ARHGEF39: variants seen among roughly 807,000 people sequenced by gnomAD.
ARHGEF39 encodes Rho guanine nucleotide exchange factor (GEF) 39.
ARHGEF39 carries 45 observed loss-of-function variants against 47.5 expected under a neutral mutation model. That is an observed-to-expected ratio of 0.95 (90% CI 0.75 to 1.22). The LOEUF is 1.22. Among genes scored for constraint, ARHGEF39 ranks in the 50% most tolerant of loss-of-function variants. The pLI is 0.00. For synonymous variants in ARHGEF39, 164 were observed against 167.8 expected, an observed-to-expected ratio of 0.98 and a Z score of 0.17; for missense variants, 411 against 425.3, an observed-to-expected ratio of 0.97 and a Z score of 0.30.
At chr9:35,664,916 G>C in intron 1 of ARHGEF39, 66 bp from the exon 2 acceptor site, 2 of 1,561,530 alleles carry the variant, frequency 1.3e-6, no homozygotes, top group Non-Finnish European at 1.7e-6. Context: ...AGCGCCCCCA[G>C]AAACCGCAGA....
chr9:35,662,161 G>T lies in ARHGEF39; in HGVS notation c.992+18C>A. On this transcript the variant is annotated intron_variant, in intron 8 of 8. Coordinates refer to ENST00000378387, the MANE Select transcript of ARHGEF39 (RefSeq NM_032818.3). ...GGGCCTCATCACAGCACCCTTCCTG[G>T]GGGAAGACACAACTTACCTGATAGC... 6.2e-7 allele frequency: 1 copy of T among 1,612,112 alleles called. No homozygotes were observed.
chr9:35,662,307 T>G, intron 7 of ARHGEF39, 40 bp from the exon 8 acceptor site: 1 of 1,585,632 alleles, frequency 6.3e-7, no homozygotes, highest in Non-Finnish European at 8.7e-7. Context: ...CTCAGAAAGG[T>G]CCAGGCTAAA....
rs1349188117 is a variant in ARHGEF39, at chr9:35,661,415, A to C, written c.*572T>G. On this transcript the variant is annotated 3_prime_UTR_variant, in exon 9 of 9. Transcript: ENST00000378387. Reference sequence around the variant, plus strand: ...CCCAAAAATCCCTTTTCTCATAGCAAAACTGAGACAGAAGGGTCTTTCCCA... The same window carrying C: ...CCCAAAAATCCCTTTTCTCATAGCACAACTGAGACAGAAGGGTCTTTCCCA... 2.2e-6 allele frequency: 1 copy of C among 457,150 alleles called. No individual in the cohort carries two copies. Among genetic ancestry groups the C allele is most frequent in the South Asian group, 5.5e-5 (1 of 18,208 alleles). The allele number at this position is 457,150 out of a possible 1,614,324, so 28.3% of individuals were successfully genotyped here.
rs1033801425 is a variant in ARHGEF39, at chr9:35,660,125, G to A, written c.*1862C>T. The A allele has an allele frequency of 6.1e-6, 2 of 329,478 alleles. No homozygotes were observed. Among genetic ancestry groups the A allele is most frequent in the Non-Finnish European group, 1.1e-5 (2 of 178,336 alleles). The allele number at this position is 329,478 out of a possible 1,614,324, so 20.4% of individuals were successfully genotyped here. ...TTCCCGAAGTGCTGGGATTACAGGT[G>A]TGAGCCACAGCACTCAGCCACCAGA... On this transcript the variant is annotated 3_prime_UTR_variant, in exon 9 of 9. Transcript: ENST00000378387.
In ARHGEF39 at chr9:35,664,100, G is replaced by A; in HGVS notation, c.381C>T (p.Phe127=). 1 of 1,614,042 alleles carries A rather than the reference G, an allele frequency of 6.2e-7. No homozygotes were observed. The highest frequency in any genetic ancestry group is 1.1e-5 in the South Asian group (1 of 91,066). ...CTTCCTGAAGCCGTACAAACCTCCG[G>A]AAACCTTTATTTTTCTTTAGCTGCT... The part of the protein sequence containing the change: ...LQEQLKKNKG[F]RRFVRLQEGR... The change falls in exon 4 of 9, where the codon TTC becomes TTT. Residue 127 remains phenylalanine (F), a synonymous_variant. Transcript: ENST00000378387.
Position 35,665,181 on chromosome 9 carries a change from G to C in ARHGEF39, c.-12C>G. 1 of 1,468,780 alleles carries C rather than the reference G, an allele frequency of 6.8e-7. No homozygotes were observed. Among genetic ancestry groups the C allele is most frequent in the African/African-American group, 1.4e-5 (1 of 69,276 alleles). The allele number at this position is 1,468,780 out of a possible 1,614,324, so 91.0% of individuals were successfully genotyped here. A position where few individuals can be genotyped will look rare whatever the true frequency, so the allele number is the denominator to read the frequency against. On this transcript the variant is annotated 5_prime_UTR_variant, in exon 1 of 9. Coordinates refer to ENST00000378387, the MANE Select transcript of ARHGEF39 (RefSeq NM_032818.3). The stretch of plus-strand genomic sequence containing the variant: ...CAGGAGAGCTCCATGCCCTGGCTGA[G>C]GGATCGACACTTCCGGCTGCAGTCC...
In ARHGEF39 at chr9:35,660,732, G is replaced by T. The variant is rs767597591; in HGVS notation, c.*1255C>A. Reference sequence around the variant, plus strand: ...GGACATAGGTTGGGAGCCACTGAGTGGACATTTCTTCAGTGTGACTACTCT... The same window carrying T: ...GGACATAGGTTGGGAGCCACTGAGTTGACATTTCTTCAGTGTGACTACTCT... On this transcript the variant is annotated 3_prime_UTR_variant, in exon 9 of 9. Coordinates refer to ENST00000378387, the MANE Select transcript of ARHGEF39 (RefSeq NM_032818.3). The T allele has an allele frequency of 1.9e-6, 3 of 1,613,722 alleles. No individual in the cohort carries two copies.
Position 35,661,522 on chromosome 9 carries a change from T to G in ARHGEF39, c.*465A>C, listed in dbSNP as rs1177791977. ...TACACAACATAAAAATAGCCACATTTACAAAGCTGCAGCCTTGATAAATGA... is the reference window on the plus strand; with the variant it reads ...TACACAACATAAAAATAGCCACATTGACAAAGCTGCAGCCTTGATAAATGA... On this transcript the variant is annotated 3_prime_UTR_variant, in exon 9 of 9. Transcript: ENST00000378387. The G allele has an allele frequency of 2.3e-6, 1 of 443,852 alleles. No individual in the cohort carries two copies. The highest frequency in any genetic ancestry group is 3.9e-6 in the Non-Finnish European group (1 of 253,324). 27.5% of individuals were successfully genotyped at this position (443,852 alleles called of 1,614,324 possible).
Position 35,659,848 on chromosome 9 carries a change from GTT to G in ARHGEF39, c.*2137_*2138del, listed in dbSNP as rs1210267818. On this transcript the variant is annotated 3_prime_UTR_variant, in exon 9 of 9. Transcript: ENST00000378387. ...GTGCATGAACTGTCTAACAACCAAA[GTT>G]TTTGTTTTTTTCGAGATGGAGTCTC... is the stretch of plus-strand genomic sequence containing the variant. 1.3e-5 allele frequency: 2 copies of G among 152,606 alleles called. No homozygotes were observed. The highest frequency in any genetic ancestry group is 4.8e-5 in the African/African-American group (2 of 41,430). 9.5% of individuals were successfully genotyped at this position (152,606 alleles called of 1,614,324 possible).
At chr9:35,663,297 G>A (rs1249003110) in intron 5 of ARHGEF39, 25 bp downstream of exon 5, 1 of 1,612,470 alleles carries the variant, frequency 6.2e-7, no homozygotes, top group Admixed American at 1.7e-5. Flanking sequence ...CCTCCAGCCT[G>A]CGTTGCCGAG....
Position 35,664,805 on chromosome 9 carries a change from C to T in ARHGEF39, c.184G>A (p.Glu62Lys). The change falls in exon 2 of 9, where the codon GAG becomes AAG. Residue 62 changes from glutamate to lysine, a missense_variant. Glu to Lys is a moderately conservative substitution (Grantham distance 56). Transcript: ENST00000378387. ...CAGGAGCCAAACAGGGCCTGGCGCTCAGGTGGTCGCAGGGTCCCCTTGGCT... is the reference window on the plus strand; with the variant it reads ...CAGGAGCCAAACAGGGCCTGGCGCTTAGGTGGTCGCAGGGTCCCCTTGGCT... The part of the protein sequence containing the change: ...LKAKGTLRPP[E>K]RQALFGSWEL... The T allele has an allele frequency of 6.2e-7, 1 of 1,612,176 alleles. No individual in the cohort carries two copies. The highest frequency in any genetic ancestry group is 8.5e-7 in the Non-Finnish European group (1 of 1,180,014).
Position 35,661,204 on chromosome 9 carries a change from GT to G in ARHGEF39, c.*782del. The G allele has an allele frequency of 6.4e-7, 1 of 1,565,094 alleles. No homozygotes were observed. The highest frequency in any genetic ancestry group is 2.2e-5 in the East Asian group (1 of 44,494). The stretch of plus-strand genomic sequence containing the variant: ...TTTTCATGATGGAGTGCTCCTGTGT[GT>G]TTTTTCGATCCTAGTTGGTTGTACA... On this transcript the variant is annotated 3_prime_UTR_variant, in exon 9 of 9. Transcript: ENST00000378387.
At chr9:35,663,535 GTA>G (rs2131825381) in intron 4 of ARHGEF39, 143 bp from the exon 5 acceptor site, 1 of 703,972 alleles carries the variant, frequency 1.4e-6, no homozygotes, top group East Asian at 2.7e-5. Context: ...CTTCTTTCAT[GTA>G]GGACTCAGAA....
rs1025125926 is a variant in ARHGEF39 at position 35,660,569 on chromosome 9, C to T, written c.*1418G>A. 4.3e-6 allele frequency: 7 copies of T among 1,614,092 alleles called. No individual in the cohort carries two copies. The highest frequency in any genetic ancestry group is 5.9e-6 in the Non-Finnish European group (7 of 1,179,982). On this transcript the variant is annotated 3_prime_UTR_variant, in exon 9 of 9. Transcript: ENST00000378387. The stretch of plus-strand genomic sequence containing the variant: ...CCCTTATCCCCAGAGCAACAGCTGG[C>T]CCAGTTGACACAACAGCTGGCCCAG...
intron 2 of ARHGEF39, 103 bp downstream of exon 2, chr9:35,664,653 A>C: frequency 6.8e-7 from 1 of 1,477,636 alleles, no homozygotes; most frequent in Non-Finnish European, 9.0e-7. Flanking sequence ...AGGTGAGCTA[A>C]CTGGCGGACT....
intron 5 of ARHGEF39, 73 bp downstream of exon 5, chr9:35,663,249 T>C (rs529672008): frequency 3.2e-6 from 5 of 1,574,508 alleles, no homozygotes; most frequent in Non-Finnish European, 4.4e-6. Context: ...CCAGACATTG[T>C]TGGAGGTCAG....
intron 4 of ARHGEF39, 41 bp downstream of exon 4, chr9:35,663,967 A>G (rs1824105233): frequency 6.3e-7 from 1 of 1,588,640 alleles, no homozygotes; most frequent in African/African-American, 1.3e-5. Context: ...CAGTCATACA[A>G]ACTAAAAGAG....
chr9:35,660,422 C>A lies in ARHGEF39; in HGVS notation c.*1565G>T, dbSNP rs200901870. ...ACAGGGGAAAGATGAAACTGCGGTT[C>A]TCCACGAGGAGGCAAGCAAGCAGCA... On this transcript the variant is annotated 3_prime_UTR_variant, in exon 9 of 9. Coordinates refer to ENST00000378387, the MANE Select transcript of ARHGEF39 (RefSeq NM_032818.3). The A allele has an allele frequency of 1.2e-6, 2 of 1,609,610 alleles. No homozygotes were observed. Among genetic ancestry groups the A allele is most frequent in the African/African-American group, 1.3e-5 (1 of 74,898 alleles).
Position 35,665,089 on chromosome 9 carries a change from G to A in ARHGEF39, c.81C>T (p.Ala27=). 6.4e-7 allele frequency: 1 copy of A among 1,552,948 alleles called. No individual in the cohort carries two copies. Among genetic ancestry groups the A allele is most frequent in the South Asian group, 1.2e-5 (1 of 84,532 alleles). ...GCCGCTCGGTCTCTAGCAGCTCCCG[G>A]GCGGTGCAGGCGCGTTTCCGCTCCC... is the stretch of plus-strand genomic sequence containing the variant. ...ARWERKRACT[A]RELLETERRY... is the part of the protein sequence containing the mutation. Residue 27 remains alanine, a synonymous_variant, in exon 1 of 9, where the codon GCC becomes GCT. Transcript: ENST00000378387.
Sources: gnomAD v4.1 joint callset for allele counts on GRCh38, gnomAD v4.1.1 for gene constraint, MANE v1.5 for transcripts, NCBI Gene and HGNC (gene_info 2026-07-23, HGNC 2026-07-21) for gene names.